MAPKBP1: variants seen among roughly 807,000 people sequenced by gnomAD.
MAPKBP1 encodes mitogen-activated protein kinase-binding protein 1.
Under a neutral mutation model 170.5 loss-of-function variants are expected in MAPKBP1, and 71 were observed. That is an observed-to-expected ratio of 0.42 (90% CI 0.34 to 0.51). MAPKBP1 has a LOEUF of 0.51. Among genes scored for constraint, MAPKBP1 ranks in the 20% least tolerant of loss-of-function variants. The pLI, the probability that MAPKBP1 is intolerant of heterozygous loss-of-function variation, is 0.06. For missense variants in MAPKBP1, 1,598 were observed against 1,933.0 expected, an observed-to-expected ratio of 0.83 and a Z score of 3.25; for synonymous variants, 719 against 757.9, an observed-to-expected ratio of 0.95 and a Z score of 0.84.
intron 3 of MAPKBP1, among the ~76,000 whole-genome samples, chr15:41,807,039 A>G (rs377693349): frequency 1.3e-5 from 2 of 152,208 alleles, no homozygotes; most frequent in Non-Finnish European, 2.9e-5. Flanking sequence ...CCAAATATCA[A>G]TAATTAGAAA....
chr15:41,825,498 C>T lies in MAPKBP1; in HGVS notation c.*62C>T. On this transcript the variant is annotated 3_prime_UTR_variant, in exon 31 of 31. Coordinates refer to ENST00000457542, the MANE Select transcript of MAPKBP1 (RefSeq NM_014994.3). ...GCGATTCCAAACTGCAGCCCCTCTG[C>T]CCCTCACCAAAACCTGCGGGGCTGC... is the stretch of plus-strand genomic sequence containing the variant. 2.1e-6 allele frequency: 3 copies of T among 1,435,026 alleles called. No homozygotes were observed. Among genetic ancestry groups the T allele is most frequent in the Non-Finnish European group, 2.8e-6 (3 of 1,061,382 alleles). The allele number at this position is 1,435,026 out of a possible 1,614,324, so 88.9% of individuals were successfully genotyped here.
Position 41,827,818 on chromosome 15 carries a change from G to A in MAPKBP1, c.*2382G>A. ...TGTTTTTAACGTGCCCGTTTGTACT[G>A]ATGTATGAACTTGTCAATAAACACA... On this transcript the variant is annotated 3_prime_UTR_variant, in exon 31 of 31. Coordinates refer to ENST00000457542, the MANE Select transcript of MAPKBP1 (RefSeq NM_014994.3). 1 of 350,694 alleles carries A rather than the reference G, an allele frequency of 2.9e-6. No homozygotes were observed. The highest frequency in any genetic ancestry group is 5.2e-6 in the Non-Finnish European group (1 of 194,098). 21.7% of individuals were successfully genotyped at this position (350,694 alleles called of 1,614,324 possible).
At chr15:41,787,960 T>A (rs1373289180) in intron 2 of MAPKBP1, among the ~76,000 whole-genome samples, 2 of 152,040 alleles carry the variant, frequency 1.3e-5, no homozygotes, top group African/African-American at 4.8e-5. Flanking sequence ...TTTAATTAAT[T>A]AATTAATTAT....
intron 8 of MAPKBP1, 58 bp downstream of exon 8, chr15:41,813,159 T>A: frequency 9.0e-6 from 14 of 1,559,468 alleles, no homozygotes; most frequent in Middle Eastern, 1.7e-4. Context: ...AGGGGAGAAC[T>A]AGTGCCCAGG....
chr15:41,815,601 C>G, intron 11 of MAPKBP1, 23 bp from the exon 12 acceptor site: 1 of 1,605,854 alleles, frequency 6.2e-7, no homozygotes, highest in Non-Finnish European at 8.5e-7. Context: ...GCCTCATCCA[C>G]CTTTTCTAAC....
intron 30 of MAPKBP1, 128 bp downstream of exon 30, chr15:41,824,697 G>C: frequency 3.2e-6 from 3 of 948,958 alleles, no homozygotes; most frequent in Non-Finnish European, 4.7e-6. Flanking sequence ...AGAACATCTT[G>C]GGCAGCATAG....
chr15:41,793,675 T>C (rs1439739769), intron 2 of MAPKBP1, among the ~76,000 whole-genome samples: 1 of 152,138 alleles, frequency 6.6e-6, no homozygotes, highest in East Asian at 1.9e-4. Flanking sequence ...GACCAAAAGG[T>C]CTGAGAATCT....
chr15:41,813,915 G>T lies in MAPKBP1; in HGVS notation c.980+134G>T, dbSNP rs1431178068. ...ATTGGGAACACCTCTTTAGACAGAAGAATTTGGGTTTATTGGTACTTGTTG... is the reference window on the plus strand; with the variant it reads ...ATTGGGAACACCTCTTTAGACAGAATAATTTGGGTTTATTGGTACTTGTTG... On this transcript the variant is annotated intron_variant, in intron 9 of 30. Transcript: ENST00000457542. The T allele has an allele frequency of 6.3e-6, 7 of 1,105,782 alleles. No homozygotes were observed. The African/African-American group carries it at 8.1e-5, about 13-fold the overall frequency. The allele number at this position is 1,105,782 out of a possible 1,614,324, so 68.5% of individuals were successfully genotyped here.
intron 2 of MAPKBP1, among the ~76,000 whole-genome samples, chr15:41,783,904 G>A (rs2064233984): frequency 6.6e-6 from 1 of 152,240 alleles, no homozygotes; most frequent in Admixed American, 6.5e-5. Flanking sequence ...AGCTACTCAG[G>A]AGGCTGAGGC....
At chr15:41,802,639 A>G (rs1445554902) in intron 3 of MAPKBP1, among the ~76,000 whole-genome samples, 2 of 152,042 alleles carry the variant, frequency 1.3e-5, no homozygotes, top group African/African-American at 2.4e-5. Flanking sequence ...ACGCCTGGCT[A>G]ATTTTTGTAT....
At chr15:41,822,515 C>A in intron 26 of MAPKBP1, 78 bp from the exon 27 acceptor site, 1 of 1,603,978 alleles carries the variant, frequency 6.2e-7, no homozygotes, top group Non-Finnish European at 8.5e-7. Flanking sequence ...TAGGCTGTGG[C>A]TGGGGGTCTC....
chr15:41,811,000 G>T (rs1596085712), intron 4 of MAPKBP1, 55 bp downstream of exon 4: 12 of 1,596,410 alleles, frequency 7.5e-6, no homozygotes, highest in Non-Finnish European at 1.0e-5. Flanking sequence ...TATGAGAAGG[G>T]CACTGTCTAG....
Position 41,817,039 on chromosome 15 carries a change from C to A in MAPKBP1, c.1711+4C>A. On this transcript the variant is annotated splice_donor_region_variant and intron_variant, in intron 14 of 30. Coordinates refer to ENST00000457542, the MANE Select transcript of MAPKBP1 (RefSeq NM_014994.3). The surrounding 1 kb of genome is among the most constrained non-coding windows in gnomAD (Gnocchi z 4.2). ...ATCACTGCTGTTAAGTTTGCAGGTG[C>A]GGGCAGGGTGAATGAGACACATCCT... 1 of 1,579,324 alleles carries A rather than the reference C, an allele frequency of 6.3e-7. No homozygotes were observed. Among genetic ancestry groups the A allele is most frequent in the Non-Finnish European group, 8.6e-7 (1 of 1,159,532 alleles).
Position 41,813,686 on chromosome 15 carries a change from C to T in MAPKBP1, c.885C>T (p.Thr295=), listed in dbSNP as rs572360913. ...TCTTCTGTGGCTGTGCTGATGGCACCGTGCGCCTTTTCAACCCCTCTAACC... is the reference window on the plus strand; with the variant it reads ...TCTTCTGTGGCTGTGCTGATGGCACTGTGCGCCTTTTCAACCCCTCTAACC... The part of the protein sequence containing the change: ...DYIFCGCADG[T]VRLFNPSNLH... Residue 295 remains threonine (T), a synonymous_variant, in exon 9 of 31, where the codon ACC becomes ACT. Transcript: ENST00000457542. 20 of 1,614,030 alleles carry T rather than the reference C, an allele frequency of 1.2e-5. No homozygotes were observed. Among genetic ancestry groups the T allele is most frequent in the Middle Eastern group, 3.3e-4 (2 of 6,062 alleles).
rs752145386 is a variant in MAPKBP1 at position 41,822,659 on chromosome 15, T to G, written c.3296T>G (p.Val1099Gly). Reference protein sequence around the residue: ...RSISSRFLLQVQTRPLREPSP... With the variant: ...RSISSRFLLQGQTRPLREPSP... Reference sequence around the variant, plus strand: ...ATCTCTTCACGATTCCTGTTGCAAGTACAGACCCGCCCACTCAGGTACAGA... The same window carrying G: ...ATCTCTTCACGATTCCTGTTGCAAGGACAGACCCGCCCACTCAGGTACAGA... Residue 1099 changes from valine (V) to glycine (G), a missense_variant, in exon 27 of 31, where the codon GTA becomes GGA. By Grantham distance (109) the Val-to-Gly change is moderately radical (BLOSUM62 -3). This residue lies in a region of MAPKBP1 where 942 missense variants were observed against 953.2 expected (regional missense o/e 0.99). Transcript: ENST00000457542. 9.3e-6 allele frequency: 15 copies of G among 1,614,018 alleles called. No individual in the cohort carries two copies. The South Asian group carries it at 1.6e-4, about 18-fold the overall frequency.
At chr15:41,799,967 T>C in intron 3 of MAPKBP1, 53 bp downstream of exon 3, 2 of 1,472,734 alleles carry the variant, frequency 1.4e-6, no homozygotes, top group East Asian at 4.5e-5. Flanking sequence ...ATAGCCACGC[T>C]AGAGCAGTTG....
At chr15:41,816,706 A>G (rs2064898057) in intron 13 of MAPKBP1, 56 bp downstream of exon 13, 1 of 1,535,258 alleles carries the variant, frequency 6.5e-7, no homozygotes, top group Non-Finnish European at 9.0e-7. Flanking sequence ...GGTGCCACTT[A>G]TATCTGTCCC....
At position 41,812,507 on chromosome 15, in the gene MAPKBP1, C is replaced by T; in HGVS notation, c.499-9C>T. The T allele has an allele frequency of 1.2e-6, 2 of 1,614,242 alleles. No homozygotes were observed. The highest frequency in any genetic ancestry group is 1.7e-6 in the Non-Finnish European group (2 of 1,180,038). ...AGAGCCTTGATTCTTCCTTTGGCATCCCCTCCAGAAAAACATTGTGGTGGC... is the reference window on the plus strand; with the variant it reads ...AGAGCCTTGATTCTTCCTTTGGCATTCCCTCCAGAAAAACATTGTGGTGGC... On this transcript the variant is annotated splice_polypyrimidine_tract_variant and intron_variant, in intron 6 of 30. Coordinates refer to ENST00000457542, the MANE Select transcript of MAPKBP1 (RefSeq NM_014994.3).
chr15:41,812,485 GC>G, intron 6 of MAPKBP1, 30 bp from the exon 7 acceptor site: 1 of 1,614,196 alleles, frequency 6.2e-7, no homozygotes, highest in Non-Finnish European at 8.5e-7. Flanking sequence ...AAGAGACAGA[GC>G]CTTGATTCTT....
Sources: gnomAD v4.1 joint callset for allele counts (sites outside exome capture counted in the v4.1 genomes callset) on GRCh38, gnomAD v4.1.1 for gene constraint, gnomAD v4.1.1 regional missense constraint, Gnocchi (gnomAD v3.1) non-coding constraint, MANE v1.5 for transcripts, NCBI Gene and HGNC (gene_info 2026-07-23, HGNC 2026-07-21) for gene names.